Variants in ANTXR1 observed in about 807,000 individuals in gnomAD.
The protein encoded by ANTXR1 is anthrax toxin receptor 1.
A neutral mutation model predicts 78.1 loss-of-function variants in ANTXR1; 19 were observed. The observed-to-expected ratio is 0.24, with a 90% confidence interval of 0.17 to 0.36. The LOEUF (loss-of-function observed/expected upper bound fraction) is 0.36. Among genes scored for constraint, ANTXR1 ranks in the 10% least tolerant of loss-of-function variants. The pLI, the probability that ANTXR1 is intolerant of heterozygous loss-of-function variation, is 1.00. For synonymous variants in ANTXR1, 273 were observed against 260.5 expected (o/e 1.05, Z -0.46); for missense variants, 518 against 718.6 (o/e 0.72, Z 3.19).
intron 12 of ANTXR1, 40 bp downstream of exon 12, chr2:69,124,683 C>A: frequency 6.3e-7 from 1 of 1,598,274 alleles, no homozygotes; most frequent in African/African-American, 1.3e-5. Context: ...ATCTCATTAT[C>A]ATTGTCACTA....
intron 17 of ANTXR1, among the ~76,000 whole-genome samples, chr2:69,201,559 G>A (rs1674772609): frequency 6.6e-6 from 1 of 152,220 alleles, no homozygotes; most frequent in Admixed American, 6.5e-5. Context: ...GGTCGCACTG[G>A]CTGCAGTGTG....
At chr2:69,080,362 A>G (rs1053377131) in intron 8 of ANTXR1, among the ~76,000 whole-genome samples, 2 of 152,188 alleles carry the variant, frequency 1.3e-5, no homozygotes, top group African/African-American at 2.4e-5. Context: ...GCTTGTTCCC[A>G]TGAATGTTGT....
At chr2:69,190,992 C>G (rs936061046) in intron 16 of ANTXR1, among the ~76,000 whole-genome samples, 9 of 152,082 alleles carry the variant, frequency 5.9e-5, no homozygotes, top group African/African-American at 2.2e-4. Flanking sequence ...TCCTCTCCTT[C>G]TGAAAACGAA....
intron 1 of ANTXR1, among the ~76,000 whole-genome samples, chr2:69,014,678 G>A (rs1020372811): frequency 1.3e-5 from 2 of 152,178 alleles, no homozygotes; most frequent in African/African-American, 4.8e-5. Context: ...GAGCTCTCCA[G>A]TGCCAGGAGA....
At chr2:69,177,884 G>A (rs1310885236) in intron 14 of ANTXR1, among the ~76,000 whole-genome samples, 2 of 152,178 alleles carry the variant, frequency 1.3e-5, no homozygotes, top group Non-Finnish European at 2.9e-5. Context: ...ACTCTGTTCT[G>A]CTCATCTTCT....
intron 3 of ANTXR1, among the ~76,000 whole-genome samples, chr2:69,048,908 C>T (rs1389600678): frequency 3.3e-5 from 5 of 152,144 alleles, no homozygotes; most frequent in Admixed American, 2.0e-4. Context: ...GCAGCAATGG[C>T]GCTGCATTTT....
At chr2:69,088,738 C>A (rs926541514) in intron 8 of ANTXR1, among the ~76,000 whole-genome samples, 3 of 152,162 alleles carry the variant, frequency 2.0e-5, no homozygotes, top group African/African-American at 7.2e-5. Flanking sequence ...GCTATATGCG[C>A]AAGAGACCGA....
intron 13 of ANTXR1, among the ~76,000 whole-genome samples, chr2:69,166,261 C>T (rs542329798): frequency 6.6e-6 from 1 of 152,220 alleles, no homozygotes; most frequent in East Asian, 1.9e-4. Flanking sequence ...CAAATCTGAC[C>T]CTACCTCATG....
At chr2:69,041,303 T>A (rs2104076470) in intron 2 of ANTXR1, among the ~76,000 whole-genome samples, 1 of 152,354 alleles carries the variant, frequency 6.6e-6, no homozygotes, top group Admixed American at 6.5e-5. Context: ...TGGTGAAAAC[T>A]CACTGCCTTT....
chr2:69,172,506 C>A, intron 14 of ANTXR1: 2 of 1,448,658 alleles, frequency 1.4e-6, no homozygotes, highest in East Asian at 2.5e-5. Context: ...CTCTAGTTCC[C>A]TGTATTCAAA....
chr2:69,174,415 A>C (rs993554843), intron 14 of ANTXR1, among the ~76,000 whole-genome samples: 1 of 152,154 alleles, frequency 6.6e-6, no homozygotes, highest in African/African-American at 2.4e-5. Flanking sequence ...AGGCGGGCAG[A>C]GTACTTGAGA....
chr2:69,084,913 C>T (rs181200171), intron 8 of ANTXR1, among the ~76,000 whole-genome samples: 13 of 139,240 alleles, frequency 9.3e-5, no homozygotes, highest in Admixed American at 2.3e-4. Flanking sequence ...AGTGCAGTGG[C>T]GCTATCTCGG....
intron 13 of ANTXR1, among the ~76,000 whole-genome samples, chr2:69,158,503 T>C (rs575131572): frequency 6.6e-6 from 1 of 152,368 alleles, no homozygotes; most frequent in South Asian, 2.1e-4. Context: ...CACAAGTATT[T>C]ATGTATATAT....
At chr2:69,034,101 C>T (rs1671607084) in intron 1 of ANTXR1, among the ~76,000 whole-genome samples, 1 of 152,234 alleles carries the variant, frequency 6.6e-6, no homozygotes, top group Admixed American at 6.5e-5. Flanking sequence ...GAACCCTGCA[C>T]TGGGAACACA....
rs370783703 is a variant in ANTXR1, at chr2:69,145,284, T to G, written c.952-6885T>G. On this transcript the variant is annotated intron_variant, in intron 12 of 17. Transcript: ENST00000303714. ...CCTTCTAAGGCCAGGGGAGTAGCCC[T>G]TATAATTTTGCATTTGTATTTTTAT... The G allele has an allele frequency of 3.9e-6, 6 of 1,552,220 alleles. No homozygotes were observed. In the African/African-American group the frequency reaches 8.2e-5, roughly 21 times the overall value.
intron 17 of ANTXR1, among the ~76,000 whole-genome samples, chr2:69,217,698 T>TA (rs1416261092): frequency 6.6e-6 from 1 of 152,186 alleles, no homozygotes; most frequent in Middle Eastern, 3.2e-3. Context: ...AATTAACTAC[T>TA]GCAAGTCAGG....
chr2:69,082,187 T>G (rs1670917401), intron 8 of ANTXR1, among the ~76,000 whole-genome samples: 1 of 152,128 alleles, frequency 6.6e-6, no homozygotes, highest in Non-Finnish European at 1.5e-5. Context: ...GCACTTTGCC[T>G]CTTACTACCA....
chr2:69,212,939 T>G (rs1675081342), intron 17 of ANTXR1, among the ~76,000 whole-genome samples: 1 of 148,876 alleles, frequency 6.7e-6, no homozygotes, highest in Non-Finnish European at 1.5e-5. Context: ...CCTAAGTAGC[T>G]AAGACTACAT....
chr2:69,137,585 G>T (rs568032610), intron 12 of ANTXR1, among the ~76,000 whole-genome samples: 1 of 152,098 alleles, frequency 6.6e-6, no homozygotes, highest in African/African-American at 2.4e-5. Context: ...TGGGCAACAG[G>T]CTCTACAACA....
Sources: allele counts gnomAD v4.1 joint callset (sites outside exome capture counted in the v4.1 genomes callset), GRCh38; gene constraint gnomAD v4.1.1; transcripts MANE v1.5; gene names NCBI Gene and HGNC (gene_info 2026-07-23, HGNC 2026-07-21).